The following KCNAB1 variants were observed in gnomAD, a reference collection of about 807,000 sequenced individuals.
KCNAB1 encodes potassium voltage-gated channel subfamily A regulatory beta subunit 1, also known as voltage-gated potassium channel subunit beta-1.
A neutral mutation model predicts 64.6 loss-of-function variants in KCNAB1; 35 were observed. The observed-to-expected ratio is 0.54, with a 90% CI of 0.41 to 0.72. The LOEUF (loss-of-function observed/expected upper bound fraction) is 0.72, where lower values mean the gene tolerates loss of function less well. KCNAB1 is among the 30% of genes least tolerant of loss of function. The pLI, the probability that KCNAB1 is intolerant of heterozygous loss-of-function variation, is 0.00. For missense variants in KCNAB1, 401 were observed against 512.9 expected (o/e 0.78, Z 2.11); for synonymous variants, 177 against 183.8 (o/e 0.96, Z 0.30).
intron 1 of KCNAB1, among the ~76,000 whole-genome samples, chr3:156,257,300 A>G (rs1718152252): frequency 6.6e-6 from 1 of 152,236 alleles, no homozygotes; most frequent in African/African-American, 2.4e-5. Context: ...AAGTGAGGAA[A>G]GGAACAAAAT....
Position 156,476,526 on chromosome 3 carries a change from C to T in KCNAB1, c.658+1706C>T, listed in dbSNP as rs1020554836. 3.3e-3 allele frequency among the ~76,000 whole-genome samples: 387 copies of T among 116,510 alleles called. 1 individual carries two copies. The highest frequency in any genetic ancestry group is 6.3e-3 in the African/African-American group (178 of 28,476). The allele number at this position is 116,510 out of a possible 152,430, so 76.4% of individuals were successfully genotyped here. A position where few individuals can be genotyped will look rare whatever the true frequency, so the allele number is the denominator to read the frequency against. The stretch of plus-strand genomic sequence containing the variant: ...ATTCCATCATATATATATATATACA[C>T]ACACACACACACACACACACGCACA... On this transcript the variant is annotated intron_variant, in intron 8 of 13. Transcript: ENST00000490337.
At chr3:156,270,642 T>A (rs749719846) in intron 1 of KCNAB1, among the ~76,000 whole-genome samples, 29 of 152,202 alleles carry the variant, frequency 1.9e-4, no homozygotes, top group Admixed American at 3.3e-4. Flanking sequence ...TATATGCCAT[T>A]GCGCTGTCTT....
chr3:156,160,346 T>C (rs1036115421), intron 1 of KCNAB1, among the ~76,000 whole-genome samples: 1 of 152,208 alleles, frequency 6.6e-6, no homozygotes, highest in African/African-American at 2.4e-5. Context: ...ACCTATCCCA[T>C]AGGGTTTGGA....
At chr3:156,163,165 CATT>C (rs1716180986) in intron 1 of KCNAB1, among the ~76,000 whole-genome samples, 1 of 152,176 alleles carries the variant, frequency 6.6e-6, no homozygotes, top group South Asian at 2.1e-4. Flanking sequence ...TCGTCAGTGG[CATT>C]ACCCATATCT....
chr3:156,246,644 A>T (rs1042237629), intron 1 of KCNAB1, among the ~76,000 whole-genome samples: 1 of 152,004 alleles, frequency 6.6e-6, no homozygotes, highest in African/African-American at 2.4e-5. Context: ...CAAAAAAAAA[A>T]AAAAAACCCA....
chr3:156,172,048 G>A lies in KCNAB1; in HGVS notation c.275+51162G>A, dbSNP rs1712029288. 3.3e-5 allele frequency among the ~76,000 whole-genome samples: 5 copies of A among 152,096 alleles called. No individual in the cohort carries two copies. In the South Asian group the frequency reaches 1.0e-3, roughly 32 times the overall value. ...ACAGGACTGGGTTTTATATTTCTTG[G>A]CATTATGCCAAGAAAAATCTCTAGG... On this transcript the variant is annotated intron_variant, in intron 1 of 13. Coordinates refer to ENST00000490337, the MANE Select transcript of KCNAB1 (RefSeq NM_172160.3).
At chr3:156,215,823 A>G (rs1412318202) in intron 1 of KCNAB1, 2 of 152,186 alleles carry the variant, frequency 1.3e-5, no homozygotes, top group African/African-American at 2.4e-5. Context: ...ATTCATATAG[A>G]ATGGGTGGCC....
intron 1 of KCNAB1, among the ~76,000 whole-genome samples, chr3:156,314,816 C>A (rs1207000642): frequency 3.3e-5 from 5 of 152,154 alleles, no homozygotes; most frequent in African/African-American, 4.8e-5. Context: ...AGTTCAAAAC[C>A]AGCCTGGCCA....
chr3:156,526,861 CAAAAA>C (rs11314730), intron 12 of KCNAB1, among the ~76,000 whole-genome samples: 7 of 142,320 alleles, frequency 4.9e-5, no homozygotes, highest in African/African-American at 1.0e-4. Flanking sequence ...TGATTCTAGA[CAAAAA>C]AAAAAAAATC....
chr3:156,359,417 CCCCCATAA>C (rs1395638134), intron 1 of KCNAB1, among the ~76,000 whole-genome samples: 6 of 152,170 alleles, frequency 3.9e-5, no homozygotes, highest in African/African-American at 1.4e-4. Context: ...TGTCCATCCT[CCCCCATAA>C]CCCATTGCCA....
chr3:156,306,231 G>GT (rs1360961774), intron 1 of KCNAB1, among the ~76,000 whole-genome samples: 1 of 151,948 alleles, frequency 6.6e-6, no homozygotes, highest in Admixed American at 6.5e-5. Context: ...AAGGAGCTGA[G>GT]TTTTCCCTGT....
chr3:156,142,077 T>C (rs1210094597), intron 1 of KCNAB1, among the ~76,000 whole-genome samples: 1 of 152,234 alleles, frequency 6.6e-6, no homozygotes, highest in Non-Finnish European at 1.5e-5. Flanking sequence ...TCATATCTTT[T>C]GCCCGTTTAC....
chr3:156,299,536 C>T (rs143308384), intron 1 of KCNAB1, among the ~76,000 whole-genome samples: 6 of 152,076 alleles, frequency 3.9e-5, no homozygotes, highest in Non-Finnish European at 5.9e-5. Context: ...ACATGTAACA[C>T]TGGACAGGAA....
At chr3:156,472,766 G>A (rs955858492) in intron 7 of KCNAB1, among the ~76,000 whole-genome samples, 9 of 152,166 alleles carry the variant, frequency 5.9e-5, no homozygotes, top group Non-Finnish European at 2.9e-5. Context: ...CTCTCAATAT[G>A]CACTGTTAGT....
chr3:156,241,156 T>G (rs563357787), intron 1 of KCNAB1, among the ~76,000 whole-genome samples: 5 of 152,372 alleles, frequency 3.3e-5, no homozygotes. Flanking sequence ...ATGCCAATGC[T>G]GACAGTTGAA....
At chr3:156,407,146 ATCTC>A (rs944737615) in intron 1 of KCNAB1, among the ~76,000 whole-genome samples, 1 of 151,456 alleles carries the variant, frequency 6.6e-6, no homozygotes, top group African/African-American at 2.4e-5. Flanking sequence ...CCTGGCTCCT[ATCTC>A]TCTCTCTCTA....
chr3:156,319,993 CA>C (rs1288264712), intron 1 of KCNAB1, among the ~76,000 whole-genome samples: 1 of 152,154 alleles, frequency 6.6e-6, no homozygotes, highest in South Asian at 2.1e-4. Flanking sequence ...GCATCCTATC[CA>C]CATAATCAGC....
chr3:156,493,680 A>G (rs1715803756), intron 8 of KCNAB1, among the ~76,000 whole-genome samples: 1 of 152,094 alleles, frequency 6.6e-6, no homozygotes. Flanking sequence ...GCTACTCATC[A>G]TGTGTCTTTC....
At chr3:156,183,499 A>C (rs745362064) in intron 1 of KCNAB1, among the ~76,000 whole-genome samples, 1 of 152,158 alleles carries the variant, frequency 6.6e-6, no homozygotes, top group Non-Finnish European at 1.5e-5. Flanking sequence ...CTGGCAGTGC[A>C]TGGTTTGTGT....
Sources: gnomAD v4.1 joint callset for allele counts (sites outside exome capture counted in the v4.1 genomes callset) on GRCh38, gnomAD v4.1.1 for gene constraint, MANE v1.5 for transcripts, NCBI Gene and HGNC (gene_info 2026-07-23, HGNC 2026-07-21) for gene names.